TBC1D22A: variants seen among roughly 807,000 people sequenced by gnomAD.
The protein encoded by TBC1D22A is TBC1 domain family member 22A.
In TBC1D22A, 38 loss-of-function variants were observed where a neutral mutation model predicts 60.2. That is an observed-to-expected ratio of 0.63 (90% CI 0.49 to 0.83). The LOEUF is 0.83. Ranked by LOEUF, TBC1D22A falls within the 40% of genes least tolerant of loss-of-function variation. TBC1D22A has a pLI of 0.00. For synonymous variants in TBC1D22A, 302 were observed against 281.7 expected (o/e 1.07, Z -0.72); for missense variants, 628 against 701.0 (o/e 0.90, Z 1.18).
chr22:46,926,443 A>G (rs2071053456), intron 8 of TBC1D22A, among the ~76,000 whole-genome samples: 1 of 152,254 alleles, frequency 6.6e-6, no homozygotes, highest in South Asian at 2.1e-4. Flanking sequence ...CAAACCAGGC[A>G]GTGTATATGA....
intron 12 of TBC1D22A, among the ~76,000 whole-genome samples, chr22:47,130,268 G>A (rs1047758096): frequency 2.0e-5 from 3 of 152,110 alleles, no homozygotes; most frequent in South Asian, 2.1e-4. Flanking sequence ...TGTACACCTC[G>A]TGTCCTCTGG....
At chr22:46,796,798 G>A (rs1261133129) in intron 3 of TBC1D22A, among the ~76,000 whole-genome samples, 1 of 152,130 alleles carries the variant, frequency 6.6e-6, no homozygotes, top group Non-Finnish European at 1.5e-5. Context: ...CCTGTGGTGG[G>A]GTCTGGGAAG....
intron 11 of TBC1D22A, among the ~76,000 whole-genome samples, chr22:47,087,172 CAA>C (rs1169149703): frequency 2.0e-5 from 3 of 152,214 alleles, no homozygotes; most frequent in African/African-American, 7.2e-5. Context: ...CGCATGCACA[CAA>C]ACTTTCCTAT....
intron 5 of TBC1D22A, among the ~76,000 whole-genome samples, chr22:46,885,456 G>A (rs1272255631): frequency 6.6e-6 from 1 of 152,222 alleles, no homozygotes; most frequent in Non-Finnish European, 1.5e-5. Flanking sequence ...GAAGCACGGA[G>A]CGTGGTGAGG....
Position 47,169,286 on chromosome 22 carries a change from A to C in TBC1D22A, c.1426-4212A>C, listed in dbSNP as rs561968655. Among the ~76,000 whole-genome samples the C allele has an allele frequency of 2.0e-5, 3 of 152,274 alleles. No individual in the cohort carries two copies. The South Asian group carries it at 6.2e-4, about 32-fold the overall frequency. ...ACTTCAACAGGGGTTGCCTGGTGGA[A>C]AGCGTGAGCAACTCTGTCCACTCTT... is the stretch of plus-strand genomic sequence containing the variant. On this transcript the variant is annotated intron_variant, in intron 12 of 12. Coordinates refer to ENST00000337137, the MANE Select transcript of TBC1D22A (RefSeq NM_014346.5).
Position 46,947,107 on chromosome 22 carries a change from T to C in TBC1D22A, c.1016-27183T>C, listed in dbSNP as rs114542949. On this transcript the variant is annotated intron_variant, in intron 8 of 12. Transcript: ENST00000337137. ...CCACACCGTTATGTGGATGAGGTGA[T>C]AGAGCTGTGTGCTGCCTCTCTGAAG... Among the ~76,000 whole-genome samples the C allele has an allele frequency of 4.9e-3, 742 of 152,028 alleles. 6 individuals are homozygous for C. Among genetic ancestry groups the C allele is most frequent in the African/African-American group, 0.017 (707 of 41,446 alleles).
rs575712342 is a variant in TBC1D22A, at chr22:46,796,657, G to A, written c.461-787G>A. ...CCGGTCCCGGGTTGCTGGGTGGAAC[G>A]TGCTGTCTCACCACCTGCTTGGATC... is the stretch of plus-strand genomic sequence containing the variant. On this transcript the variant is annotated intron_variant, in intron 3 of 12. Transcript: ENST00000337137. 5.5e-4 allele frequency among the ~76,000 whole-genome samples: 83 copies of A among 150,424 alleles called. 1 individual carries two copies. The highest frequency in any genetic ancestry group is 1.9e-3 in the African/African-American group (78 of 40,846).
In TBC1D22A at chr22:47,039,885, G is replaced by A. The variant is rs569157318; in HGVS notation, c.1329+2687G>A. On this transcript the variant is annotated intron_variant, in intron 11 of 12. Coordinates refer to ENST00000337137, the MANE Select transcript of TBC1D22A (RefSeq NM_014346.5). The stretch of plus-strand genomic sequence containing the variant: ...GGCAGAAGGTGAAGAGGAAGCAGGC[G>A]TGTCTTCCATGGCTGGAGCAGGAGC... 2.1e-4 allele frequency among the ~76,000 whole-genome samples: 32 copies of A among 149,778 alleles called. 1 individual carries two copies. In the South Asian group the frequency reaches 6.8e-3, roughly 32 times the overall value.
intron 5 of TBC1D22A, among the ~76,000 whole-genome samples, chr22:46,889,872 G>A (rs962180166): frequency 1.3e-5 from 2 of 152,176 alleles, no homozygotes; most frequent in African/African-American, 2.4e-5. Flanking sequence ...ATACAGGGGC[G>A]GGGGGATAGA....
At chr22:47,031,291 G>C (rs979570443) in intron 10 of TBC1D22A, among the ~76,000 whole-genome samples, 4 of 152,246 alleles carry the variant, frequency 2.6e-5, no homozygotes, top group African/African-American at 9.6e-5. Flanking sequence ...CCGAAGGCTG[G>C]ATTGCCTTGT....
At chr22:46,784,100 C>T (rs549015940) in intron 1 of TBC1D22A, among the ~76,000 whole-genome samples, 6 of 152,186 alleles carry the variant, frequency 3.9e-5, no homozygotes, top group South Asian at 2.1e-4. Flanking sequence ...GGCTGGAGTG[C>T]AGTGGTGCGA....
intron 8 of TBC1D22A, among the ~76,000 whole-genome samples, chr22:46,918,966 C>G (rs1397756888): frequency 6.6e-6 from 1 of 152,228 alleles, no homozygotes; most frequent in Non-Finnish European, 1.5e-5. Flanking sequence ...TGCAACTTTA[C>G]TTACTACTGC....
intron 4 of TBC1D22A, among the ~76,000 whole-genome samples, chr22:46,845,777 T>G (rs1272064289): frequency 1.3e-5 from 2 of 152,244 alleles, no homozygotes; most frequent in African/African-American, 2.4e-5. Context: ...CTCAAAATAT[T>G]AGGCTCTTTT....
chr22:47,159,903 C>G (rs1223232341), intron 12 of TBC1D22A, among the ~76,000 whole-genome samples: 2 of 81,854 alleles, frequency 2.4e-5, no homozygotes, highest in Non-Finnish European at 4.9e-5. Flanking sequence ...ATCCTCCACA[C>G]CACACACATG....
At chr22:46,903,233 G>A (rs551142584) in intron 7 of TBC1D22A, among the ~76,000 whole-genome samples, 1 of 152,310 alleles carries the variant, frequency 6.6e-6, no homozygotes, top group Admixed American at 6.5e-5. Context: ...GGGTTGAGGT[G>A]AAGTGCAGTG....
At chr22:46,779,856 G>T (rs560746493) in intron 1 of TBC1D22A, among the ~76,000 whole-genome samples, 1 of 152,346 alleles carries the variant, frequency 6.6e-6, no homozygotes, top group African/African-American at 2.4e-5. Context: ...GTTGCTGCCA[G>T]TCAGAGTGGT....
At chr22:46,996,040 C>A (rs946684072) in intron 9 of TBC1D22A, among the ~76,000 whole-genome samples, 12 of 152,240 alleles carry the variant, frequency 7.9e-5, no homozygotes, top group African/African-American at 2.9e-4. Context: ...CGCAAAGCAG[C>A]ACCTCCCTCC....
intron 1 of TBC1D22A, among the ~76,000 whole-genome samples, chr22:46,784,662 T>A (rs561237248): frequency 8.3e-4 from 126 of 152,306 alleles, no homozygotes; most frequent in African/African-American, 3.0e-3. Flanking sequence ...ACTTTTTTTT[T>A]AAAAAGGACA....
intron 10 of TBC1D22A, among the ~76,000 whole-genome samples, chr22:47,020,440 G>T (rs536494540): frequency 6.6e-6 from 1 of 152,128 alleles, no homozygotes; most frequent in Non-Finnish European, 1.5e-5. Context: ...GGGATGACTC[G>T]TTTATCTGAG....
Sources: gnomAD v4.1 joint callset for allele counts (sites outside exome capture counted in the v4.1 genomes callset) on GRCh38, gnomAD v4.1.1 for gene constraint, MANE v1.5 for transcripts, NCBI Gene and HGNC (gene_info 2026-07-23, HGNC 2026-07-21) for gene names.